Variants in DIP2C observed in about 807,000 individuals in gnomAD.
DIP2C encodes the protein disco-interacting protein 2 homolog C.
Under a neutral mutation model 192.4 loss-of-function variants are expected in DIP2C, and 33 were observed. That is an observed-to-expected ratio of 0.17 (90% CI 0.13 to 0.23). DIP2C has a LOEUF of 0.23. Among genes scored for constraint, DIP2C ranks in the 10% least tolerant of loss-of-function variants. The probability of loss-of-function intolerance (pLI) is 1.00; values close to 1 mark genes in which losing one functional copy is unlikely to be tolerated. For missense variants in DIP2C, 1,537 were observed against 2,110.1 expected (o/e 0.73, Z 5.32); for synonymous variants, 979 against 864.1 (o/e 1.13, Z -2.33).
chr10:422,699 A>AG, intron 5 of DIP2C, 125 bp downstream of exon 5: 1 of 1,182,676 alleles, frequency 8.5e-7, no homozygotes. Context: ...AAAGCACCCC[A>AG]GGGGCCAGAG....
At chr10:510,965 C>T (rs1467433202) in intron 1 of DIP2C, among the ~76,000 whole-genome samples, 3 of 152,296 alleles carry the variant, frequency 2.0e-5, no homozygotes, top group South Asian at 2.1e-4. Context: ...CTCATTAAAA[C>T]CTATTTTCTC....
chr10:622,407 G>A (rs1270412282), intron 1 of DIP2C, among the ~76,000 whole-genome samples: 80 of 133,398 alleles, frequency 6.0e-4, no homozygotes, highest in African/African-American at 2.1e-3. Context: ...GGGAGGGAGG[G>A]AGGGAAGAGA....
intron 8 of DIP2C, among the ~76,000 whole-genome samples, chr10:411,080 G>C (rs1040844641): frequency 2.0e-5 from 3 of 152,214 alleles, no homozygotes; most frequent in Admixed American, 6.5e-5. Flanking sequence ...GAGCTTGAGA[G>C]AGACACCATC....
intron 6 of DIP2C, among the ~76,000 whole-genome samples, chr10:416,785 G>A (rs1451380104): frequency 2.0e-5 from 3 of 152,128 alleles, no homozygotes; most frequent in Non-Finnish European, 4.4e-5. Context: ...TCAGGCACAC[G>A]CTGCAGGCCG....
At chr10:440,734 G>A (rs1215538143) in intron 4 of DIP2C, 137 bp downstream of exon 4, 13 of 1,289,390 alleles carry the variant, frequency 1.0e-5, no homozygotes, top group Non-Finnish European at 1.4e-5. Context: ...ATACAACACT[G>A]TTTTTGGACT....
intron 3 of DIP2C, among the ~76,000 whole-genome samples, chr10:442,742 C>T (rs937839977): frequency 6.6e-6 from 1 of 152,172 alleles, no homozygotes; most frequent in Non-Finnish European, 1.5e-5. Flanking sequence ...TTCCTAAACA[C>T]AAGAATATTC....
rs376304815 is a variant in DIP2C at position 485,711 on chromosome 10, C to G, written c.157+748G>C. On this transcript the variant is annotated intron_variant, in intron 2 of 36. Coordinates refer to ENST00000280886, the MANE Select transcript of DIP2C (RefSeq NM_014974.3). ...TAAAATCTTCTTTCAATGGTAAGAA[C>G]TATGCAAGTTCAATTTCCACCTTTA... 7.2e-5 allele frequency among the ~76,000 whole-genome samples: 11 copies of G among 152,300 alleles called. No individual in the cohort carries two copies. In the East Asian group the frequency reaches 1.2e-3, roughly 16 times the overall value.
In DIP2C at chr10:454,882, T is replaced by C. The variant is rs184853369; in HGVS notation, c.269-13886A>G. ...TTGAAGTCATTATTGCTGTTACTAG[T>C]ATTCTAGATTACTATGTATATCCAC... On this transcript the variant is annotated intron_variant, in intron 3 of 36. Coordinates refer to ENST00000280886, the MANE Select transcript of DIP2C (RefSeq NM_014974.3). Among the ~76,000 whole-genome samples, 24 of 152,318 alleles carry C rather than the reference T, an allele frequency of 1.6e-4. No individual in the cohort carries two copies. In the East Asian group the frequency reaches 4.4e-3, roughly 28 times the overall value.
rs377133865 is a variant in DIP2C at position 514,647 on chromosome 10, C to T, written c.86-28117G>A. 2.8e-4 allele frequency among the ~76,000 whole-genome samples: 42 copies of T among 151,992 alleles called. No homozygotes were observed. In the Middle Eastern group the frequency reaches 0.014, roughly 49 times the overall value. On this transcript the variant is annotated intron_variant, in intron 1 of 36. Coordinates refer to ENST00000280886, the MANE Select transcript of DIP2C (RefSeq NM_014974.3). The stretch of plus-strand genomic sequence containing the variant: ...CGCCACCTCCTCCTGGCCCCTGACA[C>T]CGACCCTCACCACTGCTGCCAACAC...
intron 26 of DIP2C, among the ~76,000 whole-genome samples, chr10:346,308 C>G (rs1220090813): frequency 3.3e-5 from 3 of 90,538 alleles, no homozygotes; most frequent in Non-Finnish European, 6.4e-5. Context: ...GGAAACGTCA[C>G]ACACACCCAG....
chr10:574,769 A>G (rs1368788370), intron 1 of DIP2C, among the ~76,000 whole-genome samples: 3 of 152,092 alleles, frequency 2.0e-5, no homozygotes, highest in Admixed American at 2.0e-4. Flanking sequence ...TGCTGCCACT[A>G]TCTTCAATGT....
At chr10:687,070 A>G (rs1303393487) in intron 1 of DIP2C, among the ~76,000 whole-genome samples, 2 of 152,268 alleles carry the variant, frequency 1.3e-5, no homozygotes, top group Non-Finnish European at 2.9e-5. Flanking sequence ...ACCAACTTAA[A>G]GAATTCTCTC....
Position 447,081 on chromosome 10 carries a change from C to G in DIP2C, c.269-6085G>C, listed in dbSNP as rs144482381. 9.8e-4 allele frequency among the ~76,000 whole-genome samples: 150 copies of G among 152,336 alleles called. 1 individual carries two copies. Among genetic ancestry groups the G allele is most frequent in the African/African-American group, 3.4e-3 (140 of 41,562 alleles). ...ATGCAAACTAACAAGGGAGCCAGCACCAGCCCAACATGCTGACAGAGCTGG... is the reference window on the plus strand; with the variant it reads ...ATGCAAACTAACAAGGGAGCCAGCAGCAGCCCAACATGCTGACAGAGCTGG... On this transcript the variant is annotated intron_variant, in intron 3 of 36. Transcript: ENST00000280886.
At chr10:364,843 G>T in intron 19 of DIP2C, 1 of 641,210 alleles carries the variant, frequency 1.6e-6, no homozygotes, top group Non-Finnish European at 2.9e-6. Flanking sequence ...TCTGAACCCT[G>T]AACAGATAAC....
chr10:345,234 T>TA, intron 26 of DIP2C, 124 bp from the exon 27 acceptor site: 1 of 960,438 alleles, frequency 1.0e-6, no homozygotes, highest in Non-Finnish European at 1.6e-6. Context: ...CAGATGAGGT[T>TA]ACCGAGCCCT....
At chr10:350,261 TTC>T (rs1958726056) in intron 24 of DIP2C, among the ~76,000 whole-genome samples, 1 of 152,092 alleles carries the variant, frequency 6.6e-6, no homozygotes, top group Non-Finnish European at 1.5e-5. Flanking sequence ...TAAAAAAAAA[TTC>T]TCTCATAGAG....
chr10:651,362 C>A lies in DIP2C; in HGVS notation c.85+38132G>T, dbSNP rs918296242. ...CTACTTTTGCATCCCCAGCACTGTG[C>A]TCAGGTCCCAGGGAGGCCCCAGCAA... On this transcript the variant is annotated intron_variant, in intron 1 of 36. Coordinates refer to ENST00000280886, the MANE Select transcript of DIP2C (RefSeq NM_014974.3). The surrounding 1 kb of genome is among the most constrained non-coding windows in gnomAD (Gnocchi z 4.1). 12 of 702,316 alleles carry A rather than the reference C, an allele frequency of 1.7e-5. No individual in the cohort carries two copies. Among genetic ancestry groups the A allele is most frequent in the African/African-American group, 1.0e-4 (6 of 57,244 alleles). The allele number at this position is 702,316 out of a possible 1,614,324, so 43.5% of individuals were successfully genotyped here. A position where few individuals can be genotyped will look rare whatever the true frequency, so the allele number is the denominator to read the frequency against.
chr10:631,714 T>G (rs1355192596), intron 1 of DIP2C, among the ~76,000 whole-genome samples: 1 of 152,236 alleles, frequency 6.6e-6, no homozygotes, highest in East Asian at 1.9e-4. Flanking sequence ...AAAAAATACC[T>G]AAAACTAAGA....
Position 505,303 on chromosome 10 carries a change from A to C in DIP2C, c.86-18773T>G, listed in dbSNP as rs1464075884. Among the ~76,000 whole-genome samples the C allele has an allele frequency of 2.0e-5, 3 of 152,194 alleles. No homozygotes were observed. The East Asian group carries it at 5.8e-4, about 29-fold the overall frequency. ...ATATACAGATATACACGCAGGAGCTATCTTAGGAGGCAACAAGACGCTCTT... is the reference window on the plus strand; with the variant it reads ...ATATACAGATATACACGCAGGAGCTCTCTTAGGAGGCAACAAGACGCTCTT... On this transcript the variant is annotated intron_variant, in intron 1 of 36. Transcript: ENST00000280886.
Sources: allele counts gnomAD v4.1 joint callset (sites outside exome capture counted in the v4.1 genomes callset), GRCh38; gene constraint gnomAD v4.1.1; non-coding constraint Gnocchi (gnomAD v3.1); transcripts MANE v1.5; gene names NCBI Gene and HGNC (gene_info 2026-07-23, HGNC 2026-07-21).